MED12L: variants seen among roughly 807,000 people sequenced by gnomAD.
MED12L encodes mediator complex subunit 12L, also known as mediator of RNA polymerase II transcription subunit 12-like protein.
MED12L carries 60 observed loss-of-function variants against 281.3 expected under a neutral mutation model. That is an observed-to-expected ratio of 0.21 (90% confidence interval 0.17 to 0.26). MED12L has a LOEUF of 0.26. Ranked by LOEUF, MED12L falls within the 10% of genes least tolerant of loss-of-function variation. The probability of loss-of-function intolerance (pLI) is 1.00; values close to 1 mark genes in which losing one functional copy is unlikely to be tolerated. For missense variants in MED12L, 2,146 were observed against 2,680.9 expected (o/e 0.80, Z 4.41); for synonymous variants, 974 against 987.2 (o/e 0.99, Z 0.25).
chr3:151,195,140 G>A (rs1324781930), intron 16 of MED12L, among the ~76,000 whole-genome samples: 1 of 152,190 alleles, frequency 6.6e-6, no homozygotes, highest in Non-Finnish European at 1.5e-5. Flanking sequence ...TCCAGCCTGG[G>A]CGACAGAGGG....
At chr3:151,322,076 A>G (rs1001545013) in intron 16 of MED12L, among the ~76,000 whole-genome samples, 1 of 152,220 alleles carries the variant, frequency 6.6e-6, no homozygotes, top group Non-Finnish European at 1.5e-5. Flanking sequence ...TCTGTTAGCT[A>G]TTTCACATGG....
chr3:151,329,613 T>G, intron 16 of MED12L: 2 of 970,340 alleles, frequency 2.1e-6, no homozygotes, highest in Non-Finnish European at 1.6e-6. Flanking sequence ...TTATGTAATG[T>G]GACCCATTAG....
At chr3:151,380,276 A>C in intron 32 of MED12L, 52 bp downstream of exon 32, 1 of 1,246,572 alleles carries the variant, frequency 8.0e-7, no homozygotes, top group Non-Finnish European at 1.1e-6. Context: ...AACGGCATTC[A>C]TTTATTTGCC....
intron 16 of MED12L, among the ~76,000 whole-genome samples, chr3:151,313,918 G>A (rs913739640): frequency 6.1e-5 from 7 of 114,042 alleles, no homozygotes; most frequent in African/African-American, 2.1e-4. Flanking sequence ...GCGAGACTCC[G>A]TCTCAAAAAA....
intron 16 of MED12L, among the ~76,000 whole-genome samples, chr3:151,286,018 A>AGTT (rs1349681189): frequency 6.6e-6 from 1 of 152,192 alleles, no homozygotes; most frequent in African/African-American, 2.4e-5. Context: ...AAGAGAGGTG[A>AGTT]GTTGTATGAT....
intron 2 of MED12L, among the ~76,000 whole-genome samples, chr3:151,091,111 G>A (rs1037655957): frequency 1.3e-5 from 2 of 152,082 alleles, no homozygotes; most frequent in East Asian, 1.9e-4. Flanking sequence ...GAGTAAATAT[G>A]TGCAGAAAAT....
At position 151,365,082 on chromosome 3, in the gene MED12L, C is replaced by G; in HGVS notation, c.3061C>G (p.Pro1021Ala). 1 of 1,614,080 alleles carries G rather than the reference C, an allele frequency of 6.2e-7. No homozygotes were observed. The highest frequency in any genetic ancestry group is 8.5e-7 in the Non-Finnish European group (1 of 1,179,954). Residue 1021 changes from proline (P) to alanine (A), a missense_variant, in exon 22 of 45, where the codon CCC (proline) becomes GCC (alanine). Pro to Ala is a conservative substitution (Grantham distance 27, BLOSUM62 -1). This residue lies in a region of MED12L where 404 missense variants were observed against 603.5 expected (regional missense o/e 0.67). Transcript: ENST00000687756. ...PDFMMDFIEN[P>A]SARSINYSML... ...CTTCATGATGGATTTTATTGAGAAT[C>G]CCTCAGCCCGCAGCATCAACTACTC...
In MED12L at chr3:151,193,506, C is replaced by G; in HGVS notation, c.2090C>G (p.Pro697Arg). Reference protein sequence around the residue: ...GSEFPIFSPMPGESCENANTS... With the variant: ...GSEFPIFSPMRGESCENANTS... Reference sequence around the variant, plus strand: ...ATGACTTAGATTTTTTCTCCTATGCCTGGAGAATCCTGTGAGAATGCCAAC... The same window carrying G: ...ATGACTTAGATTTTTTCTCCTATGCGTGGAGAATCCTGTGAGAATGCCAAC... Residue 697 changes from proline to arginine, a missense_variant, in exon 16 of 45, where the codon CCT becomes CGT. Physicochemically the swap from Pro to Arg is moderately radical, Grantham distance 103. Transcript: ENST00000687756. 6.2e-7 allele frequency: 1 copy of G among 1,612,650 alleles called. No individual in the cohort carries two copies. The highest frequency in any genetic ancestry group is 8.5e-7 in the Non-Finnish European group (1 of 1,179,234).
intron 16 of MED12L, among the ~76,000 whole-genome samples, chr3:151,277,739 C>T (rs969985351): frequency 1.2e-4 from 19 of 152,184 alleles, no homozygotes; most frequent in Non-Finnish European, 2.5e-4. Flanking sequence ...ACAGATATTT[C>T]TGTGATTTAC....
chr3:151,173,809 C>T (rs1576888645), intron 11 of MED12L, among the ~76,000 whole-genome samples: 1 of 152,146 alleles, frequency 6.6e-6, no homozygotes, highest in Non-Finnish European at 1.5e-5. Context: ...TAGTAAATGC[C>T]AGTTGTTATG....
In MED12L at chr3:151,122,904, C is replaced by T. The variant is rs751524494; in HGVS notation, c.326C>T (p.Ser109Phe). ...AATTATTGGCTGGTTACTGCTCGAT[C>T]CCAGAGTGCAATTCATAGTTGGTTT... The part of the protein sequence containing the change: ...KDNYWLVTAR[S>F]QSAIHSWFSD... Residue 109 changes from serine (S) to phenylalanine (F), a missense_variant, in exon 4 of 45, where the codon TCC becomes TTC. Ser to Phe is a radical substitution (Grantham distance 155). Around this residue, in one of 9 missense-constraint regions of MED12L, gnomAD observed 722 missense variants for 861.2 expected, o/e 0.84. Coordinates refer to ENST00000687756, the MANE Select transcript of MED12L (RefSeq NM_001393769.1). 5.6e-6 allele frequency: 9 copies of T among 1,612,850 alleles called. No homozygotes were observed. The South Asian group carries it at 9.9e-5, about 18-fold the overall frequency.
intron 14 of MED12L, among the ~76,000 whole-genome samples, chr3:151,191,854 C>T (rs892872745): frequency 4.0e-5 from 6 of 151,440 alleles, no homozygotes; most frequent in South Asian, 2.1e-4. Context: ...TGCAGTGAGC[C>T]GAGATTGCGC....
chr3:151,366,801 C>G (rs1157732025), intron 23 of MED12L, among the ~76,000 whole-genome samples: 1 of 151,956 alleles, frequency 6.6e-6, no homozygotes, highest in Non-Finnish European at 1.5e-5. Context: ...TAGATGTGGC[C>G]TGCTTTTCTG....
At chr3:151,088,061 G>A (rs540308599) in intron 2 of MED12L, among the ~76,000 whole-genome samples, 1 of 152,236 alleles carries the variant, frequency 6.6e-6, no homozygotes, top group South Asian at 2.1e-4. Flanking sequence ...AGCACAGAAA[G>A]GGCCTTGTAA....
Position 151,369,526 on chromosome 3 carries a change from T to C in MED12L, c.3641T>C (p.Val1214Ala). 6.2e-7 allele frequency: 1 copy of C among 1,610,186 alleles called. No homozygotes were observed. Among genetic ancestry groups the C allele is most frequent in the Non-Finnish European group, 8.5e-7 (1 of 1,177,336 alleles). Residue 1214 changes from valine (V) to alanine (A), a missense_variant, in exon 26 of 45, where the codon GTC becomes GCC. By Grantham distance (64) the Val-to-Ala change is moderately conservative. This residue lies in a region of MED12L where 404 missense variants were observed against 603.5 expected (regional missense o/e 0.67). Transcript: ENST00000687756. ...NSIEVGAVFAVLKAIMMLGDA... is the reference protein window; with the variant it reads ...NSIEVGAVFAALKAIMMLGDA... ...ATTGAAGTGGGAGCCGTGTTTGCTGTCTTAAAAGCAATTATGATGCTTGGT... is the reference window on the plus strand; with the variant it reads ...ATTGAAGTGGGAGCCGTGTTTGCTGCCTTAAAAGCAATTATGATGCTTGGT...
Position 151,165,532 on chromosome 3 carries a change from A to G in MED12L, c.1357+13A>G. The G allele has an allele frequency of 6.3e-7, 1 of 1,597,064 alleles. No homozygotes were observed. The highest frequency in any genetic ancestry group is 1.1e-5 in the South Asian group (1 of 90,616). ...GAATCCACAGCAGGTACAGAATGCC[A>G]CAGAGGAACGAGTGCTTTTGAATGT... On this transcript the variant is annotated intron_variant, in intron 10 of 44. Coordinates refer to ENST00000687756, the MANE Select transcript of MED12L (RefSeq NM_001393769.1).
At position 151,360,636 on chromosome 3, in the gene MED12L, T is replaced by C. The variant is rs551904594; in HGVS notation, c.2957+31T>C. 38 of 1,593,712 alleles carry C rather than the reference T, an allele frequency of 2.4e-5. No individual in the cohort carries two copies. In the South Asian group the frequency reaches 4.1e-4, roughly 17 times the overall value. On this transcript the variant is annotated intron_variant, in intron 21 of 44. Coordinates refer to ENST00000687756, the MANE Select transcript of MED12L (RefSeq NM_001393769.1). ...TAGAAGAGACTCAAAAGGACAGAAA[T>C]AGGATCATGCCTATGTTTGTTAGTG...
At chr3:151,173,904 GTTAC>G (rs1357347717) in intron 11 of MED12L, among the ~76,000 whole-genome samples, 3 of 152,164 alleles carry the variant, frequency 2.0e-5, no homozygotes, top group Non-Finnish European at 4.4e-5. Context: ...TTATCTGTAT[GTTAC>G]TTTGATCTTC....
At chr3:151,116,225 A>T in intron 2 of MED12L, 113 bp from the exon 3 acceptor site, 1 of 655,488 alleles carries the variant, frequency 1.5e-6, no homozygotes, top group Non-Finnish European at 2.6e-6. Context: ...TGTCCTTTCA[A>T]GAGTTCTCCT....
Sources: allele counts gnomAD v4.1 joint callset (sites outside exome capture counted in the v4.1 genomes callset), GRCh38; gene constraint gnomAD v4.1.1; regional missense constraint gnomAD v4.1.1; transcripts MANE v1.5; gene names NCBI Gene and HGNC (gene_info 2026-07-23, HGNC 2026-07-21).